Variants in TENM1 observed in about 807,000 individuals in gnomAD.
The protein encoded by TENM1 is teneurin-1.
Under a neutral mutation model 174.8 loss-of-function variants are expected in TENM1, and 35 were observed. That is an observed-to-expected ratio of 0.20 (90% CI 0.15 to 0.27). The LOEUF (loss-of-function observed/expected upper bound fraction) is 0.27, where lower values mean the gene tolerates loss of function less well. Ranked by LOEUF, TENM1 falls within the 10% of genes least tolerant of loss-of-function variation. The pLI is 1.00. For synonymous variants in TENM1, 781 were observed against 798.7 expected, an observed-to-expected ratio of 0.98 and a Z score of 0.37; for missense variants, 1,633 against 2,130.1, an observed-to-expected ratio of 0.77 and a Z score of 4.59.
intron 18 of TENM1, among the ~76,000 whole-genome samples, chrX:124,518,557 T>C (rs994151686): frequency 2.5e-4 from 28 of 111,386 alleles, no homozygotes; most frequent in African/African-American, 8.5e-4. Flanking sequence ...CACAGTACCC[T>C]GGCCACAACA....
chrX:125,051,763 C>T, the TENM1 span, among the ~76,000 whole-genome samples: 1 of 103,428 alleles, frequency 9.7e-6, no homozygotes, highest in Non-Finnish European at 2.0e-5. Flanking sequence ...CTAGGCAATA[C>T]CATTCAGGAC....
intron 1 of TENM1, among the ~76,000 whole-genome samples, chrX:124,937,873 G>A (rs1170433459): frequency 8.9e-6 from 1 of 111,768 alleles, no homozygotes; most frequent in East Asian, 2.8e-4. Context: ...CATTTGCTGA[G>A]CTGATTTTTA....
chrX:124,883,351 T>G (rs745756608), intron 3 of TENM1, among the ~76,000 whole-genome samples: 1 of 112,344 alleles, frequency 8.9e-6, no homozygotes, highest in African/African-American at 3.2e-5. Context: ...GTCTATGATG[T>G]CCTCAGTGGC....
chrX:124,812,033 G>T (rs2055789730), intron 3 of TENM1, among the ~76,000 whole-genome samples: 1 of 111,064 alleles, frequency 9.0e-6, no homozygotes, highest in South Asian at 3.7e-4. Flanking sequence ...GTTGGTCAAA[G>T]GATAAAAACT....
chrX:124,850,995 T>C (rs999353345), intron 3 of TENM1, among the ~76,000 whole-genome samples: 1 of 110,157 alleles, frequency 9.1e-6, no homozygotes, highest in East Asian at 2.8e-4. Flanking sequence ...TCCAATGCTA[T>C]AGCTACAATT....
intron 6 of TENM1, among the ~76,000 whole-genome samples, chrX:124,662,237 A>C (rs1410824149): frequency 9.1e-6 from 1 of 109,842 alleles, no homozygotes; most frequent in Non-Finnish European, 1.9e-5. Context: ...GGCGGATCAC[A>C]AGGTCAGGAG....
At chrX:125,097,623 G>T in the TENM1 span, among the ~76,000 whole-genome samples, 6 of 111,998 alleles carry the variant, frequency 5.4e-5, no homozygotes, top group African/African-American at 1.9e-4. Flanking sequence ...TACTAAATGT[G>T]TTAAAATTGA....
chrX:124,664,235 A>C (rs1264591257), intron 6 of TENM1, among the ~76,000 whole-genome samples: 2 of 111,455 alleles, frequency 1.8e-5, no homozygotes, highest in Non-Finnish European at 3.8e-5. Flanking sequence ...AAGATACTGA[A>C]ACTATGGGTT....
chrX:124,706,372 A>T (rs1015473592), intron 4 of TENM1, among the ~76,000 whole-genome samples: 6 of 112,114 alleles, frequency 5.4e-5, no homozygotes, highest in Non-Finnish European at 1.1e-4. Flanking sequence ...TAGATTTGAC[A>T]AATGCTGTCA....
At chrX:125,159,981 C>G in the TENM1 span, among the ~76,000 whole-genome samples, 1 of 110,523 alleles carries the variant, frequency 9.0e-6, no homozygotes, top group African/African-American at 3.3e-5. Context: ...CGGCAGATCA[C>G]TTGAGGTCAG....
the TENM1 span, among the ~76,000 whole-genome samples, chrX:125,198,743 C>T: frequency 9.0e-6 from 1 of 111,066 alleles, no homozygotes; most frequent in Non-Finnish European, 1.9e-5. Context: ...TCCCAGCTGT[C>T]TGTCCCATCT....
At chrX:124,761,711 T>C (rs1008473025) in intron 3 of TENM1, among the ~76,000 whole-genome samples, 1 of 111,394 alleles carries the variant, frequency 9.0e-6, no homozygotes, top group Admixed American at 9.5e-5. Flanking sequence ...TAAAAAAACA[T>C]GAATGGGATC....
intron 4 of TENM1, among the ~76,000 whole-genome samples, chrX:124,718,783 T>A (rs1264891325): frequency 8.9e-6 from 1 of 112,162 alleles, no homozygotes; most frequent in Non-Finnish European, 1.9e-5. Context: ...ATAGATTTTG[T>A]CTTACCAGTA....
At chrX:124,666,775 G>C (rs1262435619) in intron 6 of TENM1, among the ~76,000 whole-genome samples, 1 of 111,456 alleles carries the variant, frequency 9.0e-6, no homozygotes, top group East Asian at 2.8e-4. Context: ...TAGAAACAAA[G>C]ATACACATTT....
At chrX:124,823,980 T>C (rs771055723) in intron 3 of TENM1, among the ~76,000 whole-genome samples, 62 of 111,760 alleles carry the variant, frequency 5.5e-4, no homozygotes, top group Non-Finnish European at 9.2e-4. Context: ...CATGCCAGTT[T>C]TCTAAAGCAT....
intron 11 of TENM1, among the ~76,000 whole-genome samples, chrX:124,573,300 T>C (rs1302164040): frequency 9.0e-6 from 1 of 111,549 alleles, no homozygotes; most frequent in African/African-American, 3.3e-5. Context: ...ATATACATAT[T>C]TGGAAAAGCC....
the TENM1 span, among the ~76,000 whole-genome samples, chrX:125,067,822 C>T: frequency 8.9e-6 from 1 of 112,175 alleles, no homozygotes; most frequent in African/African-American, 3.2e-5. Context: ...ACTCTTTATA[C>T]TCTTCCTTCT....
chrX:124,478,972 C>T (rs752628658), intron 22 of TENM1, among the ~76,000 whole-genome samples: 1 of 112,089 alleles, frequency 8.9e-6, no homozygotes, highest in African/African-American at 3.2e-5. Flanking sequence ...TCTATGAAAT[C>T]GCCCTGCAGC....
chrX:124,500,043 C>T (rs1049739572), intron 19 of TENM1, among the ~76,000 whole-genome samples: 5 of 111,599 alleles, frequency 4.5e-5, no homozygotes, highest in African/African-American at 6.5e-5. Context: ...CTAAAGATGG[C>T]TATTCTAAAC....
Sources: gnomAD v4.1 joint callset for allele counts (sites outside exome capture counted in the v4.1 genomes callset) on GRCh38, gnomAD v4.1.1 for gene constraint, MANE v1.5 for transcripts, NCBI Gene and HGNC (gene_info 2026-07-23, HGNC 2026-07-21) for gene names.